Variants in CFAP221 observed in about 807,000 individuals in gnomAD.
CFAP221 encodes the protein cilia- and flagella-associated protein 221.
In CFAP221, 97 loss-of-function variants were observed where a neutral mutation model predicts 113.1. That is an observed-to-expected ratio of 0.86 (90% CI 0.73 to 1.02). The LOEUF (loss-of-function observed/expected upper bound fraction) is 1.02. Among genes scored for constraint, CFAP221 ranks in the 50% least tolerant of loss-of-function variants. The pLI is 0.00. For missense variants in CFAP221, 1,025 were observed against 1,013.4 expected, an observed-to-expected ratio of 1.01 and a Z score of -0.16; for synonymous variants, 331 against 354.4, an observed-to-expected ratio of 0.93 and a Z score of 0.74.
At chr2:119,576,761 G>A (rs1231997583) in intron 6 of CFAP221, among the ~76,000 whole-genome samples, 1 of 152,160 alleles carries the variant, frequency 6.6e-6, no homozygotes, top group Non-Finnish European at 1.5e-5. Context: ...AGATAAAAGA[G>A]CATTATTTGA....
chr2:119,567,334 A>G (rs943167125), intron 6 of CFAP221, among the ~76,000 whole-genome samples: 2 of 152,120 alleles, frequency 1.3e-5, no homozygotes, highest in African/African-American at 2.4e-5. Flanking sequence ...CTGTCACCAT[A>G]GTTTTTCAGA....
intron 23 of CFAP221, 96 bp downstream of exon 23, chr2:119,652,165 G>T: frequency 1.1e-6 from 1 of 877,172 alleles, no homozygotes; most frequent in Non-Finnish European, 1.7e-6. Context: ...AGTCTAAATA[G>T]CTCAGTCTTT....
chr2:119,559,287 C>T (rs1320977298), intron 3 of CFAP221, among the ~76,000 whole-genome samples: 1 of 152,198 alleles, frequency 6.6e-6, no homozygotes. Flanking sequence ...GCCCCTAAAC[C>T]AGTGGCATGT....
chr2:119,573,593 G>A (rs898927721), intron 6 of CFAP221: 1 of 152,354 alleles, frequency 6.6e-6, no homozygotes, highest in Non-Finnish European at 1.5e-5. Context: ...CTACTCAGGA[G>A]GCTGAGGCAG....
At chr2:119,605,587 C>T (rs1684683401) in intron 11 of CFAP221, among the ~76,000 whole-genome samples, 1 of 152,104 alleles carries the variant, frequency 6.6e-6, no homozygotes, top group South Asian at 2.1e-4. Flanking sequence ...CCTTGGGCAC[C>T]CCCAATCTCA....
chr2:119,595,322 G>A lies in CFAP221; in HGVS notation c.632-5896G>A, dbSNP rs138861233. 7.2e-4 allele frequency among the ~76,000 whole-genome samples: 109 copies of A among 152,260 alleles called. 1 individual carries two copies. Among genetic ancestry groups the A allele is most frequent in the African/African-American group, 2.5e-3 (104 of 41,554 alleles). The stretch of plus-strand genomic sequence containing the variant: ...GAGAAATCTGCACCTCTTGGTTCTC[G>A]GCATGCTCCCATGTCTCAGTTTACA... On this transcript the variant is annotated intron_variant, in intron 7 of 23. Coordinates refer to ENST00000413369, the MANE Select transcript of CFAP221 (RefSeq NM_001271049.2).
Position 119,618,281 on chromosome 2 carries a change from G to A in CFAP221, c.1410+2572G>A, listed in dbSNP as rs532781391. The stretch of plus-strand genomic sequence containing the variant: ...TTTATAATATTTGTTAAATAAAAGA[G>A]CCATTTGGGCTGGCAATATGGCTGA... On this transcript the variant is annotated intron_variant, in intron 14 of 23. Transcript: ENST00000413369. 2.0e-5 allele frequency among the ~76,000 whole-genome samples: 3 copies of A among 152,310 alleles called. No individual in the cohort carries two copies. The East Asian group carries it at 5.8e-4, about 29-fold the overall frequency.
chr2:119,625,003 A>G (rs1162673955), intron 14 of CFAP221, among the ~76,000 whole-genome samples: 1 of 152,008 alleles, frequency 6.6e-6, no homozygotes, highest in African/African-American at 2.4e-5. Context: ...CATGTATCCC[A>G]GAACTTACAG....
chr2:119,632,204 C>T (rs1274565906), intron 19 of CFAP221, among the ~76,000 whole-genome samples: 1 of 151,382 alleles, frequency 6.6e-6, no homozygotes, highest in African/African-American at 2.4e-5. Flanking sequence ...AGAGATATTA[C>T]AGGAAAAAAA....
At chr2:119,635,915 A>G (rs1201616922) in intron 19 of CFAP221, among the ~76,000 whole-genome samples, 1 of 152,234 alleles carries the variant, frequency 6.6e-6, no homozygotes, top group African/African-American at 2.4e-5. Context: ...AGGATTGCAT[A>G]AAGGCACATC....
At chr2:119,608,678 C>T in intron 12 of CFAP221, 89 bp downstream of exon 12, 2 of 1,128,690 alleles carry the variant, frequency 1.8e-6, no homozygotes, top group South Asian at 1.3e-5. Flanking sequence ...GAGGAAAACC[C>T]ACAGTTAAGT....
chr2:119,614,940 A>G (rs1200082389), intron 13 of CFAP221, among the ~76,000 whole-genome samples: 1 of 152,222 alleles, frequency 6.6e-6, no homozygotes. Context: ...ATCAGAGTCC[A>G]ACCTTTGGGT....
chr2:119,592,196 C>G (rs1683645026), intron 7 of CFAP221, among the ~76,000 whole-genome samples: 1 of 152,100 alleles, frequency 6.6e-6, no homozygotes, highest in Non-Finnish European at 1.5e-5. Context: ...TACAAGAAAA[C>G]TTGGATCATA....
Position 119,605,192 on chromosome 2 carries a change from G to A in CFAP221, c.1036G>A (p.Gly346Ser), listed in dbSNP as rs1189595854. 4 of 1,613,836 alleles carry A rather than the reference G, an allele frequency of 2.5e-6. No homozygotes were observed. The highest frequency in any genetic ancestry group is 1.7e-6 in the Non-Finnish European group (2 of 1,179,778). ...IKELREVLDQ[G>S]TEISKTRQMK... Reference sequence around the variant, plus strand: ...GCTCCTGCCTTCAGTTTTGGACCAGGGCACTGAAATTTCAAAAACGAGACA... The same window carrying A: ...GCTCCTGCCTTCAGTTTTGGACCAGAGCACTGAAATTTCAAAAACGAGACA... The change falls in exon 11 of 24, where the codon GGC becomes AGC. Residue 346 changes from glycine to serine, a missense_variant. Gly to Ser is a moderately conservative substitution (Grantham distance 56). Coordinates refer to ENST00000413369, the MANE Select transcript of CFAP221 (RefSeq NM_001271049.2).
intron 7 of CFAP221, 73 bp from the exon 8 acceptor site, chr2:119,601,145 G>A: frequency 7.6e-7 from 1 of 1,309,458 alleles, no homozygotes; most frequent in Non-Finnish European, 1.0e-6. Flanking sequence ...AGCCATATTT[G>A]TGTGTGTGTC....
intron 16 of CFAP221, among the ~76,000 whole-genome samples, chr2:119,628,294 G>GGGGTGTGTGTGTGT (rs1553491014): frequency 1.5e-5 from 2 of 137,490 alleles, no homozygotes; most frequent in East Asian, 4.4e-4. Flanking sequence ...CTCTCTGGGG[G>GGGGTGTGTGTGTGT]GTGTGTGTGT....
chr2:119,650,749 C>T (rs959363968), intron 22 of CFAP221, among the ~76,000 whole-genome samples: 3 of 152,176 alleles, frequency 2.0e-5, no homozygotes, highest in South Asian at 2.1e-4. Flanking sequence ...GTTTGCAAAG[C>T]GCCAGCATAG....
chr2:119,559,328 A>T (rs1681049176), intron 3 of CFAP221, among the ~76,000 whole-genome samples: 1 of 152,116 alleles, frequency 6.6e-6, no homozygotes, highest in African/African-American at 2.4e-5. Flanking sequence ...TTGGTGCCTG[A>T]CTTAGCTCGA....
At chr2:119,587,810 T>C (rs964494033) in intron 7 of CFAP221, among the ~76,000 whole-genome samples, 1 of 152,236 alleles carries the variant, frequency 6.6e-6, no homozygotes, top group Non-Finnish European at 1.5e-5. Flanking sequence ...AATTTAACAA[T>C]TGCTAAAATG....
Sources: gnomAD v4.1 joint callset for allele counts (sites outside exome capture counted in the v4.1 genomes callset) on GRCh38, gnomAD v4.1.1 for gene constraint, MANE v1.5 for transcripts, NCBI Gene and HGNC (gene_info 2026-07-23, HGNC 2026-07-21) for gene names.